The following MLLT3 variants were observed in gnomAD, a reference collection of about 807,000 sequenced individuals.
MLLT3 encodes MLLT3 super elongation complex subunit, also known as protein AF-9.
In MLLT3, 4 loss-of-function variants were observed where a neutral mutation model predicts 53.2. The ratio of observed to expected loss-of-function variants is 0.08; its 90% CI spans 0.04 to 0.17. MLLT3 has a LOEUF of 0.17. Among genes scored for constraint, MLLT3 ranks in the 10% least tolerant of loss-of-function variants. MLLT3 has a pLI of 1.00. For missense variants in MLLT3, 569 were observed against 684.0 expected, an observed-to-expected ratio of 0.83 and a Z score of 1.87; for synonymous variants, 283 against 230.6, an observed-to-expected ratio of 1.23 and a Z score of -2.06.
intron 4 of MLLT3, among the ~76,000 whole-genome samples, chr9:20,423,574 A>G (rs1823068920): frequency 1.3e-5 from 2 of 151,904 alleles, no homozygotes; most frequent in African/African-American, 4.8e-5. Flanking sequence ...GCATTTAGGG[A>G]GGCCAAGGAA....
intron 10 of MLLT3, among the ~76,000 whole-genome samples, chr9:20,348,299 A>G (rs938626505): frequency 6.6e-6 from 1 of 152,146 alleles, no homozygotes; most frequent in African/African-American, 2.4e-5. Flanking sequence ...CCCCAGACCT[A>G]CTTGCAGCAC....
intron 2 of MLLT3, among the ~76,000 whole-genome samples, chr9:20,551,493 C>A (rs1283998546): frequency 6.6e-6 from 1 of 152,152 alleles, no homozygotes; most frequent in African/African-American, 2.4e-5. Flanking sequence ...AAGGAATGTA[C>A]CAAACATTTT....
chr9:20,518,473 A>T (rs930893972), intron 2 of MLLT3, among the ~76,000 whole-genome samples: 2 of 152,252 alleles, frequency 1.3e-5, no homozygotes, highest in Admixed American at 6.5e-5. Flanking sequence ...TAACTGCTCC[A>T]GGCAAAATGC....
Position 20,411,944 on chromosome 9 carries a change from A to G in MLLT3, c.1125+1777T>C, listed in dbSNP as rs73648211. On this transcript the variant is annotated intron_variant, in intron 5 of 10. Transcript: ENST00000380338. Reference sequence around the variant, plus strand: ...GCCTTTCAAAATTTTGACCACTATAAGAAACACACACACCTTCTCTGAAAT... The same window carrying G: ...GCCTTTCAAAATTTTGACCACTATAGGAAACACACACACCTTCTCTGAAAT... 790 of 152,306 alleles carry G rather than the reference A, an allele frequency of 5.2e-3. 11 individuals are homozygous for G. The highest frequency in any genetic ancestry group is 0.018 in the African/African-American group (760 of 41,564). 9.4% of individuals were successfully genotyped at this position (152,306 alleles called of 1,614,324 possible).
chr9:20,528,297 T>A (rs1818251170), intron 2 of MLLT3, among the ~76,000 whole-genome samples: 1 of 152,258 alleles, frequency 6.6e-6, no homozygotes, highest in African/African-American at 2.4e-5. Context: ...CTTATTTTTA[T>A]AAAATGGGAT....
chr9:20,521,500 G>A (rs1818057184), intron 2 of MLLT3, among the ~76,000 whole-genome samples: 1 of 151,872 alleles, frequency 6.6e-6, no homozygotes, highest in Non-Finnish European at 1.5e-5. Flanking sequence ...GAGAGAAAAT[G>A]GATGTGAAAT....
At chr9:20,515,819 C>G (rs1415607613) in intron 2 of MLLT3, among the ~76,000 whole-genome samples, 2 of 152,152 alleles carry the variant, frequency 1.3e-5, no homozygotes, top group Admixed American at 6.5e-5. Flanking sequence ...TTATCCGGAT[C>G]AGGCTGTGGC....
rs1820983158 is a variant in MLLT3, at chr9:20,620,851, G to A, written c.13-17C>T. 1.2e-6 allele frequency: 2 copies of A among 1,613,908 alleles called. No individual in the cohort carries two copies. Among genetic ancestry groups the A allele is most frequent in the Non-Finnish European group, 1.7e-6 (2 of 1,179,938 alleles). On this transcript the variant is annotated splice_polypyrimidine_tract_variant and intron_variant, in intron 1 of 10. Transcript: ENST00000380338. The surrounding 1 kb of genome is among the most constrained non-coding windows in gnomAD (Gnocchi z 6.1). ...CACGGCACACTGCGGGCAGGGGGAGGAGAGACAGCCGTGAATAACAGGAAG... is the reference window on the plus strand; with the variant it reads ...CACGGCACACTGCGGGCAGGGGGAGAAGAGACAGCCGTGAATAACAGGAAG...
intron 2 of MLLT3, among the ~76,000 whole-genome samples, chr9:20,509,647 C>T (rs1825475526): frequency 6.6e-6 from 1 of 152,210 alleles, no homozygotes; most frequent in South Asian, 2.1e-4. Flanking sequence ...CACGCCAAGA[C>T]TGTATTAATA....
At chr9:20,570,785 A>G (rs999169344) in intron 2 of MLLT3, among the ~76,000 whole-genome samples, 24 of 144,710 alleles carry the variant, frequency 1.7e-4, no homozygotes, top group African/African-American at 6.7e-4. Flanking sequence ...TAAAATAAGA[A>G]ACCTATAGGT....
At chr9:20,506,964 T>A (rs1825397077) in intron 2 of MLLT3, among the ~76,000 whole-genome samples, 1 of 152,214 alleles carries the variant, frequency 6.6e-6, no homozygotes, top group African/African-American at 2.4e-5. Flanking sequence ...TAAAAACGAA[T>A]CTTTCTCAAA....
chr9:20,441,333 A>G (rs1823546748), intron 4 of MLLT3, among the ~76,000 whole-genome samples: 1 of 152,154 alleles, frequency 6.6e-6, no homozygotes, highest in African/African-American at 2.4e-5. Context: ...AAACCACTAA[A>G]TAGGTTGAGT....
Position 20,621,510 on chromosome 9 carries a change from C to A in MLLT3, c.13-676G>T, listed in dbSNP as rs1207369002. On this transcript the variant is annotated intron_variant, in intron 1 of 10. Coordinates refer to ENST00000380338, the MANE Select transcript of MLLT3 (RefSeq NM_004529.4). The surrounding 1 kb of genome is among the most constrained non-coding windows in gnomAD (Gnocchi z 7.0). Reference sequence around the variant, plus strand: ...CATCCATAACTTAGAGCACCCCGCACCCCCCAGCGAAAAGCCCCACGCGAT... The same window carrying A: ...CATCCATAACTTAGAGCACCCCGCAACCCCCAGCGAAAAGCCCCACGCGAT... Among the ~76,000 whole-genome samples the A allele has an allele frequency of 6.6e-6, 1 of 151,794 alleles. No homozygotes were observed. The highest frequency in any genetic ancestry group is 1.5e-5 in the Non-Finnish European group (1 of 67,912).
At chr9:20,468,703 C>T (rs920157264) in intron 2 of MLLT3, among the ~76,000 whole-genome samples, 12 of 152,226 alleles carry the variant, frequency 7.9e-5, no homozygotes, top group African/African-American at 2.4e-4. Context: ...TCCTCTGTCA[C>T]ATAAGAAGCC....
At chr9:20,592,926 C>A (rs1241890366) in intron 2 of MLLT3, among the ~76,000 whole-genome samples, 1 of 152,142 alleles carries the variant, frequency 6.6e-6, no homozygotes, top group Non-Finnish European at 1.5e-5. Context: ...TCCATCCCCA[C>A]TGATAAAACT....
At chr9:20,492,720 A>G (rs1166412346) in intron 2 of MLLT3, among the ~76,000 whole-genome samples, 1 of 151,974 alleles carries the variant, frequency 6.6e-6, no homozygotes, top group African/African-American at 2.4e-5. Flanking sequence ...CTAAATATCT[A>G]AGCAAAAGAA....
chr9:20,429,925 G>T (rs1022464337), intron 4 of MLLT3, among the ~76,000 whole-genome samples: 17 of 152,102 alleles, frequency 1.1e-4, no homozygotes, highest in Admixed American at 2.6e-4. Flanking sequence ...AAAATGCACT[G>T]GGGGGAAAAG....
rs1554673308 is a variant in MLLT3, at chr9:20,343,214, A to ATTT, written c.*3226_*3228dup. ...AAAAAAAAAAAAAAAAAAAAAAAAA[A>ATTT]TTTTGAAGAAACTTTTTAGTGGAAG... is the stretch of plus-strand genomic sequence containing the variant. On this transcript the variant is annotated 3_prime_UTR_variant, in exon 11 of 11. Coordinates refer to ENST00000380338, the MANE Select transcript of MLLT3 (RefSeq NM_004529.4). 17,505 of 116,238 alleles carry ATTT rather than the reference A, an allele frequency of 0.15. 1,990 individuals are homozygous for ATTT. Among genetic ancestry groups the ATTT allele is most frequent in the East Asian group, 0.31 (933 of 3,044 alleles). 7.2% of individuals were successfully genotyped at this position (116,238 alleles called of 1,614,324 possible). A position where few individuals can be genotyped will look rare whatever the true frequency, so the allele number is the denominator to read the frequency against.
At chr9:20,561,473 C>T (rs1048868938) in intron 2 of MLLT3, among the ~76,000 whole-genome samples, 7 of 152,188 alleles carry the variant, frequency 4.6e-5, no homozygotes, top group African/African-American at 1.4e-4. Flanking sequence ...TATTATCCTT[C>T]TATGCTAATG....
Sources: gnomAD v4.1 joint callset for allele counts (sites outside exome capture counted in the v4.1 genomes callset) on GRCh38, gnomAD v4.1.1 for gene constraint, Gnocchi (gnomAD v3.1) non-coding constraint, MANE v1.5 for transcripts, NCBI Gene and HGNC (gene_info 2026-07-23, HGNC 2026-07-21) for gene names.